Variants in ZNF423 observed in about 807,000 individuals in gnomAD.
ZNF423 encodes the protein zinc finger protein 423.
ZNF423 carries 12 observed loss-of-function variants against 95.8 expected under a neutral mutation model. The ratio of observed to expected loss-of-function variants is 0.13; its 90% confidence interval spans 0.08 to 0.20. The LOEUF (loss-of-function observed/expected upper bound fraction) is 0.20. Among genes scored for constraint, ZNF423 ranks in the 10% least tolerant of loss-of-function variants. ZNF423 has a pLI of 1.00. For synonymous variants in ZNF423, 749 were observed against 711.9 expected (o/e 1.05, Z -0.83); for missense variants, 1,316 against 1,737.1 (o/e 0.76, Z 4.31).
chr16:49,834,513 G>GCCA (rs1392639837), intron 1 of ZNF423, among the ~76,000 whole-genome samples: 1 of 152,216 alleles, frequency 6.6e-6, no homozygotes, highest in Non-Finnish European at 1.5e-5. Flanking sequence ...ATGGGTGGAG[G>GCCA]CCAGGGCTGG....
chr16:49,829,688 T>G (rs2035042141), intron 1 of ZNF423, among the ~76,000 whole-genome samples: 1 of 152,064 alleles, frequency 6.6e-6, no homozygotes, highest in Non-Finnish European at 1.5e-5. Context: ...TTCACAGAAG[T>G]GGCCCTTGGA....
intron 1 of ZNF423, among the ~76,000 whole-genome samples, chr16:49,790,822 G>A (rs1040375098): frequency 6.6e-6 from 1 of 152,200 alleles, no homozygotes; most frequent in Non-Finnish European, 1.5e-5. Context: ...CTAAGCCATA[G>A]GGCTGCTGGG....
At chr16:49,588,100 G>A (rs1353231838) in intron 5 of ZNF423, among the ~76,000 whole-genome samples, 1 of 152,148 alleles carries the variant, frequency 6.6e-6, no homozygotes, top group Non-Finnish European at 1.5e-5. Flanking sequence ...AAAAAGCCTG[G>A]CATGGAGCTG....
At chr16:49,615,751 G>A (rs911142734) in intron 5 of ZNF423, among the ~76,000 whole-genome samples, 1 of 152,148 alleles carries the variant, frequency 6.6e-6, no homozygotes, top group Admixed American at 6.5e-5. Context: ...GTTAAGCCCA[G>A]GCCAACCCCT....
At chr16:49,780,725 C>G (rs979468986) in intron 2 of ZNF423, 1 of 152,270 alleles carries the variant, frequency 6.6e-6, no homozygotes, top group Admixed American at 6.5e-5. Context: ...AGGGCCACCG[C>G]GTCTTCCTAC....
At position 49,569,996 on chromosome 16, in the gene ZNF423, C is replaced by A. The variant is rs1487058473; in HGVS notation, c.3602-44502G>T. On this transcript the variant is annotated intron_variant, in intron 5 of 7. Coordinates refer to ENST00000563137, the MANE Select transcript of ZNF423 (RefSeq NM_001379286.1). ...GGAGGTGCTGAACTAGCACTTGAAG[C>A]CATCTGAGGTCTGCATTCTGACCCT... 1.3e-5 allele frequency among the ~76,000 whole-genome samples: 2 copies of A among 152,132 alleles called. 1 individual carries two copies. The highest frequency in any genetic ancestry group is 2.9e-5 in the Non-Finnish European group (2 of 68,020).
intron 2 of ZNF423, among the ~76,000 whole-genome samples, chr16:49,782,916 G>T (rs1381642156): frequency 1.3e-5 from 2 of 150,178 alleles, no homozygotes; most frequent in Non-Finnish European, 2.9e-5. Flanking sequence ...TTGAGCCCAG[G>T]AGTTCGAGAC....
At chr16:49,788,053 C>A (rs978519772) in intron 2 of ZNF423, among the ~76,000 whole-genome samples, 3 of 152,236 alleles carry the variant, frequency 2.0e-5, no homozygotes, top group African/African-American at 7.2e-5. Context: ...CCCCCAGCCT[C>A]CTATCTGCCC....
At chr16:49,510,868 C>T (rs537827368) in intron 7 of ZNF423, among the ~76,000 whole-genome samples, 1 of 152,364 alleles carries the variant, frequency 6.6e-6, no homozygotes, top group South Asian at 2.1e-4. Flanking sequence ...ACAATGGCCA[C>T]CGGCCTGAGG....
intron 3 of ZNF423, among the ~76,000 whole-genome samples, chr16:49,649,704 T>C (rs1483041513): frequency 6.7e-6 from 1 of 149,976 alleles, no homozygotes; most frequent in African/African-American, 2.5e-5. Context: ...ATCCCTTCAA[T>C]TGTAACATCA....
At chr16:49,732,310 C>T (rs571595741) in intron 2 of ZNF423, among the ~76,000 whole-genome samples, 19 of 152,236 alleles carry the variant, frequency 1.2e-4, no homozygotes, top group African/African-American at 4.3e-4. Context: ...AGTGCAAAAG[C>T]GTGTGGTAAA....
At chr16:49,531,106 T>C (rs1968826688) in intron 5 of ZNF423, among the ~76,000 whole-genome samples, 1 of 152,166 alleles carries the variant, frequency 6.6e-6, no homozygotes, top group Non-Finnish European at 1.5e-5. Context: ...GCCCTGCATG[T>C]GACAGCGTGG....
At chr16:49,774,798 A>G (rs1453169199) in intron 2 of ZNF423, among the ~76,000 whole-genome samples, 4 of 152,298 alleles carry the variant, frequency 2.6e-5, no homozygotes, top group African/African-American at 9.6e-5. Context: ...GGAGAAGCAC[A>G]TAAACAGAGC....
intron 7 of ZNF423, among the ~76,000 whole-genome samples, chr16:49,511,096 C>A (rs1444130981): frequency 1.3e-5 from 2 of 152,220 alleles, no homozygotes; most frequent in African/African-American, 4.8e-5. Flanking sequence ...GGCGAGCTGA[C>A]CCTCAAGGCT....
In ZNF423 at chr16:49,491,213, T is replaced by C; in HGVS notation, c.*62A>G. 2.5e-6 allele frequency: 4 copies of C among 1,605,862 alleles called. No homozygotes were observed. The highest frequency in any genetic ancestry group is 3.4e-6 in the Non-Finnish European group (4 of 1,172,768). On this transcript the variant is annotated 3_prime_UTR_variant, in exon 8 of 8. Coordinates refer to ENST00000563137, the MANE Select transcript of ZNF423 (RefSeq NM_001379286.1). ...ACTTTGATTGGATGTAATGTTCAAATGGCCCTCCCCACGGCGTCTCCGGCA... is the reference window on the plus strand; with the variant it reads ...ACTTTGATTGGATGTAATGTTCAAACGGCCCTCCCCACGGCGTCTCCGGCA...
intron 1 of ZNF423, among the ~76,000 whole-genome samples, chr16:49,846,223 C>T (rs2035243958): frequency 1.3e-5 from 2 of 149,938 alleles, no homozygotes; most frequent in South Asian, 2.1e-4. Context: ...TTGCTTGAGC[C>T]TGGGAGGTGG....
At chr16:49,609,874 C>G (rs185534524) in intron 5 of ZNF423, among the ~76,000 whole-genome samples, 1 of 152,038 alleles carries the variant, frequency 6.6e-6, no homozygotes, top group Admixed American at 6.5e-5. Context: ...AAATCCACAC[C>G]AAGACAAATC....
intron 3 of ZNF423, among the ~76,000 whole-genome samples, chr16:49,648,424 C>G (rs1262896282): frequency 1.4e-5 from 2 of 144,150 alleles, no homozygotes; most frequent in Admixed American, 1.4e-4. Flanking sequence ...GGCGGATCAC[C>G]TGAGGTCGGG....
chr16:49,822,996 T>C (rs2034963571), intron 1 of ZNF423, among the ~76,000 whole-genome samples: 1 of 152,214 alleles, frequency 6.6e-6, no homozygotes, highest in South Asian at 2.1e-4. Flanking sequence ...GAGGTCAGGA[T>C]AGGAGGCCCT....
Sources: gnomAD v4.1 joint callset for allele counts (sites outside exome capture counted in the v4.1 genomes callset) on GRCh38, gnomAD v4.1.1 for gene constraint, MANE v1.5 for transcripts, NCBI Gene and HGNC (gene_info 2026-07-23, HGNC 2026-07-21) for gene names.